The following THAP6 variants were observed in gnomAD, a reference collection of about 807,000 sequenced individuals.
The protein encoded by THAP6 is THAP domain-containing protein 6.
THAP6 carries 13 observed loss-of-function variants against 20.0 expected under a neutral mutation model. The ratio of observed to expected loss-of-function variants is 0.65; its 90% confidence interval spans 0.42 to 1.03. THAP6 has a LOEUF of 1.03. Ranked by LOEUF, THAP6 falls within the 50% of genes least tolerant of loss-of-function variation. THAP6 has a pLI of 0.00. For missense variants in THAP6, 262 were observed against 261.6 expected (o/e 1.00, Z -0.01); for synonymous variants, 93 against 92.2 (o/e 1.01, Z -0.05).
chr4:75,540,935 A>G (rs1430640717), intron 2 of THAP6, among the ~76,000 whole-genome samples: 1 of 152,134 alleles, frequency 6.6e-6, no homozygotes, highest in Non-Finnish European at 1.5e-5. Context: ...GATTATTGAG[A>G]TGTACAATTC....
At chr4:75,546,447 C>T (rs1578286634) in intron 3 of THAP6, among the ~76,000 whole-genome samples, 1 of 152,228 alleles carries the variant, frequency 6.6e-6, no homozygotes, top group South Asian at 2.1e-4. Flanking sequence ...TGTCCATAAA[C>T]ACCCAAGCTC....
chr4:75,539,727 C>T, intron 2 of THAP6: 1 of 1,366,812 alleles, frequency 7.3e-7, no homozygotes. Flanking sequence ...TCTCTGAGCA[C>T]TTACAAAGTA....
At chr4:75,521,607 A>G in intron 3 of THAP6, 129 bp from the exon 4 acceptor site, 1 of 1,013,464 alleles carries the variant, frequency 9.9e-7, no homozygotes, top group Non-Finnish European at 1.4e-6. Flanking sequence ...GAATTTGCTG[A>G]CTTTTAAAAG....
rs201046130 is a variant in THAP6, at chr4:75,540,263, A to AT, written c.166-2137dup. ...CAAAGCACACCATTTAGCTCAGTCA[A>AT]TTTTTTTTTCAGTCAGAATGTTTTC... On this transcript the variant is annotated intron_variant, in intron 2 of 4. Transcript: ENST00000502620. 1.3e-4 allele frequency among the ~76,000 whole-genome samples: 19 copies of AT among 151,900 alleles called. No homozygotes were observed. The South Asian group carries it at 2.9e-3, about 23-fold the overall frequency.
intron 3 of THAP6, among the ~76,000 whole-genome samples, chr4:75,543,799 G>A (rs1193241276): frequency 1.3e-5 from 2 of 152,226 alleles, no homozygotes; most frequent in African/African-American, 4.8e-5. Flanking sequence ...GTAGAGCATA[G>A]CTGCAGAGTG....
At chr4:75,519,879 T>G (rs10019785) in intron 3 of THAP6, among the ~76,000 whole-genome samples, 60,298 of 150,854 alleles carry the variant, frequency 0.4, 12,203 homozygotes, top group East Asian at 0.48. Flanking sequence ...GTATTTCTAG[T>G]TCTAGATCCC....
At position 75,529,139 on chromosome 4, in the gene THAP6, G is replaced by C. The variant is rs754700779; in HGVS notation, c.*1925G>C. 1.4e-4 allele frequency: 137 copies of C among 980,678 alleles called. No individual in the cohort carries two copies. Among genetic ancestry groups the C allele is most frequent in the Non-Finnish European group, 1.6e-4 (136 of 825,746 alleles). 60.7% of individuals were successfully genotyped at this position (980,678 alleles called of 1,614,324 possible). A position where few individuals can be genotyped will look rare whatever the true frequency, so the allele number is the denominator to read the frequency against. ...TCATAAATGGCCACCCTAATGGAAA[G>C]TTTGGGTATGATCTTAGGTTTTATG... On this transcript the variant is annotated 3_prime_UTR_variant, in exon 5 of 5. Transcript: ENST00000311638.
intron 2 of THAP6, among the ~76,000 whole-genome samples, chr4:75,535,802 T>C (rs11721925): frequency 0.25 from 38,220 of 152,138 alleles, 5,251 homozygotes; most frequent in African/African-American, 0.35. Flanking sequence ...AAATCAGACA[T>C]GAGCTGGTAT....
chr4:75,516,806 G>A lies in THAP6; in HGVS notation c.115G>A (p.Val39Ile), dbSNP rs1403160975. Residue 39 changes from valine to isoleucine, a missense_variant, in exon 3 of 5, where the codon GTA (valine) becomes ATA (isoleucine). Coordinates refer to ENST00000311638, the MANE Select transcript of THAP6 (RefSeq NM_144721.6). ...AGATGAAAACATCAAAAGGAAATGGGTATTAGCAATGAAAAGACTTGATGT... is the reference window on the plus strand; with the variant it reads ...AGATGAAAACATCAAAAGGAAATGGATATTAGCAATGAAAAGACTTGATGT... ...PTDENIKRKW[V>I]LAMKRLDVNA... The A allele has an allele frequency of 1.2e-6, 2 of 1,613,948 alleles. No individual in the cohort carries two copies. The highest frequency in any genetic ancestry group is 1.7e-5 in the Admixed American group (1 of 59,996).
intron 2 of THAP6, among the ~76,000 whole-genome samples, chr4:75,536,694 G>A (rs1232039971): frequency 1.3e-5 from 2 of 152,004 alleles, no homozygotes; most frequent in Admixed American, 1.3e-4. Flanking sequence ...TTTTTGTAGA[G>A]ACAAGGTTTC....
rs1725534942 is a variant in THAP6, at chr4:75,515,592, G to C, written c.80+60G>C. 1.1e-5 allele frequency: 17 copies of C among 1,552,584 alleles called. 1 individual carries two copies. In the South Asian group the frequency reaches 1.8e-4, roughly 16 times the overall value. ...GCCATGTTATAAAAAGCAAAAGACA[G>C]TTCTACTTAAGTCTTCAATTTTGAA... On this transcript the variant is annotated intron_variant, in intron 2 of 4. Transcript: ENST00000311638.
downstream of THAP6, among the ~76,000 whole-genome samples, chr4:75,534,812 C>G (rs1477263427): frequency 6.6e-6 from 1 of 152,204 alleles, no homozygotes; most frequent in Non-Finnish European, 1.5e-5. Flanking sequence ...GAAAAAAATG[C>G]TCATCATCAC....
downstream of THAP6, among the ~76,000 whole-genome samples, chr4:75,533,651 C>G (rs1726757675): frequency 6.6e-6 from 1 of 152,138 alleles, no homozygotes; most frequent in African/African-American, 2.4e-5. Context: ...CTGGGGAGGC[C>G]TCACAATCAT....
intron 4 of THAP6, among the ~76,000 whole-genome samples, chr4:75,524,290 T>C (rs1726227843): frequency 6.6e-6 from 1 of 152,210 alleles, no homozygotes; most frequent in Non-Finnish European, 1.5e-5. Context: ...TGCTATAGAC[T>C]CCACACCATT....
chr4:75,544,135 A>G (rs934179393), intron 3 of THAP6, among the ~76,000 whole-genome samples: 2 of 152,154 alleles, frequency 1.3e-5, no homozygotes, highest in East Asian at 1.9e-4. Flanking sequence ...AGAGTATAAT[A>G]TACTCTAATG....
At chr4:75,546,493 T>C (rs1247079177) in intron 3 of THAP6, among the ~76,000 whole-genome samples, 1 of 152,232 alleles carries the variant, frequency 6.6e-6, no homozygotes, top group Non-Finnish European at 1.5e-5. Context: ...AATCTTTTCC[T>C]ATGTATTTAT....
intron 3 of THAP6, chr4:75,517,260 C>T (rs1277866053): frequency 1.2e-5 from 3 of 259,016 alleles, no homozygotes; most frequent in Admixed American, 9.7e-5. Context: ...TCGTGATCCA[C>T]CCTCCTCGGC....
intron 3 of THAP6, chr4:75,517,463 TA>T (rs1725735082): frequency 6.5e-6 from 1 of 153,166 alleles, no homozygotes; most frequent in African/African-American, 2.4e-5. Flanking sequence ...AGGAGTATTT[TA>T]CCAGTAACCA....
intron 3 of THAP6, among the ~76,000 whole-genome samples, chr4:75,521,173 C>G (rs576930293): frequency 5.3e-5 from 8 of 149,884 alleles, no homozygotes; most frequent in African/African-American, 2.0e-4. Context: ...GTAGTCAATT[C>G]TATATTTTCT....
Sources: gnomAD v4.1 joint callset for allele counts (sites outside exome capture counted in the v4.1 genomes callset) on GRCh38, gnomAD v4.1.1 for gene constraint, MANE v1.5 for transcripts, NCBI Gene and HGNC (gene_info 2026-07-23, HGNC 2026-07-21) for gene names.